Variants in GARS1 observed in about 807,000 individuals in gnomAD.
GARS1 encodes glycine--tRNA ligase.
In GARS1, 46 loss-of-function variants were observed where a neutral mutation model predicts 86.4. The observed-to-expected ratio is 0.53, with a 90% CI of 0.42 to 0.68. GARS1 has a LOEUF of 0.68. GARS1 is among the 30% of genes least tolerant of loss of function. The pLI is 0.00. For synonymous variants in GARS1, 342 were observed against 329.8 expected (o/e 1.04, Z -0.40); for missense variants, 797 against 915.6 (o/e 0.87, Z 1.67).
intron 13 of GARS1, 179 bp from the exon 14 acceptor site, chr7:30,628,381 C>T (rs1251557485): frequency 8.2e-6 from 4 of 489,602 alleles, no homozygotes; most frequent in Non-Finnish European, 1.6e-5. Flanking sequence ...GACGGGGTTT[C>T]ACCATGTTGG....
chr7:30,633,765 C>T lies in GARS1; in HGVS notation c.2125C>T (p.Leu709=). ...TGAGCTGCCCAGCATAGTCCAAGACCTAGCCAATGGCAACATCACATGGGC... is the reference window on the plus strand; with the variant it reads ...TGAGCTGCCCAGCATAGTCCAAGACTTAGCCAATGGCAACATCACATGGGC... The part of the protein sequence containing the change: ...ISELPSIVQD[L]ANGNITWADV... The change falls in exon 17 of 17, where the codon CTA becomes TTA. Residue 709 remains leucine (L), a synonymous_variant. Coordinates refer to ENST00000389266, the MANE Select transcript of GARS1 (RefSeq NM_002047.4). 1.2e-6 allele frequency: 2 copies of T among 1,614,036 alleles called. No individual in the cohort carries two copies. Among genetic ancestry groups the T allele is most frequent in the Non-Finnish European group, 1.7e-6 (2 of 1,179,972 alleles).
In GARS1 at chr7:30,603,047, G is replaced by C. The variant is rs1562772773; in HGVS notation, c.583G>C (p.Val195Leu). The change falls in exon 5 of 17, where the codon GTA (valine) becomes CTA (leucine). Residue 195 changes from valine to leucine, a missense_variant. Val to Leu is a conservative substitution (Grantham distance 32). Transcript: ENST00000389266. ...TTGTTAATTTAGGACCTCTGGCCATGTAGACAAATTTGCTGACTTCATGGT... is the reference window on the plus strand; with the variant it reads ...TTGTTAATTTAGGACCTCTGGCCATCTAGACAAATTTGCTGACTTCATGGT... ...PEPVLKTSGHVDKFADFMVKD... is the reference protein window; with the variant it reads ...PEPVLKTSGHLDKFADFMVKD... 2 of 1,613,638 alleles carry C rather than the reference G, an allele frequency of 1.2e-6. No individual in the cohort carries two copies. Among genetic ancestry groups the C allele is most frequent in the South Asian group, 2.2e-5 (2 of 91,076 alleles).
rs1350141957 is a variant in GARS1 at position 30,615,966 on chromosome 7, G to A, written c.1102G>A (p.Val368Met). ...SEKDHPKFQN[V>M]ADLHLYLYSA... ...GAAAGACCACCCCAAGTTCCAGAAT[G>A]TGGCAGACCTTCACCTTTATTTGTA... Residue 368 changes from valine to methionine, a missense_variant, in exon 9 of 17, where the codon GTG (valine) becomes ATG (methionine). Physicochemically the swap from Val to Met is conservative, Grantham distance 21. This residue lies in a region of GARS1 where 598 missense variants were observed against 738.7 expected (regional missense o/e 0.81). Coordinates refer to ENST00000389266, the MANE Select transcript of GARS1 (RefSeq NM_002047.4). The A allele has an allele frequency of 6.2e-7, 1 of 1,614,208 alleles. No individual in the cohort carries two copies. Among genetic ancestry groups the A allele is most frequent in the South Asian group, 1.1e-5 (1 of 91,084 alleles).
Position 30,632,650 on chromosome 7 carries a change from T to C in GARS1, c.2094+213T>C, listed in dbSNP as rs550192127. Among the ~76,000 whole-genome samples, 69 of 152,354 alleles carry C rather than the reference T, an allele frequency of 4.5e-4. No individual in the cohort carries two copies. The highest frequency in any genetic ancestry group is 1.5e-3 in the African/African-American group (61 of 41,580). ...CACTTCTCTAATATTTTATAAACAT[T>C]TGTGTTGCTCCAGGCTTATTCTCCA... On this transcript the variant is annotated intron_variant, in intron 16 of 16. Transcript: ENST00000389266. This position sits in a 1 kb window ranked among gnomAD's most constrained non-coding sequence, Gnocchi z 4.1.
rs1562785012 is a variant in GARS1 at position 30,633,998 on chromosome 7, A to G, written c.*138A>G. 2 of 1,034,018 alleles carry G rather than the reference A, an allele frequency of 1.9e-6. No homozygotes were observed. Among genetic ancestry groups the G allele is most frequent in the Non-Finnish European group, 2.8e-6 (2 of 712,878 alleles). The allele number at this position is 1,034,018 out of a possible 1,614,324, so 64.1% of individuals were successfully genotyped here. On this transcript the variant is annotated 3_prime_UTR_variant, in exon 17 of 17. Coordinates refer to ENST00000389266, the MANE Select transcript of GARS1 (RefSeq NM_002047.4). ...TTATCTTCAGTGGCTGCCTGATTTT[A>G]CCCCCACAATTAAAGTTGAAGGAAT...
intron 10 of GARS1, among the ~76,000 whole-genome samples, chr7:30,620,480 C>T (rs901068840): frequency 5.3e-5 from 8 of 152,164 alleles, no homozygotes; most frequent in African/African-American, 1.9e-4. Flanking sequence ...TCCTCATGAC[C>T]TAATCACCTC....
At chr7:30,612,386 A>G (rs562224225) in intron 8 of GARS1, 141 bp downstream of exon 8, 3 of 873,462 alleles carry the variant, frequency 3.4e-6, no homozygotes, top group Admixed American at 2.1e-5. Flanking sequence ...CATGTTTTAC[A>G]TTTGGAATCT....
At chr7:30,604,971 G>A in intron 6 of GARS1, among the ~76,000 whole-genome samples, 1 of 152,174 alleles carries the variant, frequency 6.6e-6, no homozygotes, top group Non-Finnish European at 1.5e-5. Flanking sequence ...TTGAGCATTG[G>A]CCTTCTCTCT....
Position 30,621,355 on chromosome 7 carries a change from A to G in GARS1, c.1360-38A>G, listed in dbSNP as rs1179344654. 3 of 1,534,870 alleles carry G rather than the reference A, an allele frequency of 2.0e-6. No homozygotes were observed. The African/African-American group carries it at 4.1e-5, about 21-fold the overall frequency. ...GTGAATGAACCCAATATAAGTAATA[A>G]TAAGTAAGTAATGTTTTTATTGATT... is the stretch of plus-strand genomic sequence containing the variant. On this transcript the variant is annotated intron_variant, in intron 10 of 16. Transcript: ENST00000389266.
chr7:30,632,836 T>TA lies in GARS1; in HGVS notation c.2094+400dup, dbSNP rs1783263700. Among the ~76,000 whole-genome samples the TA allele has an allele frequency of 2.6e-5, 4 of 152,254 alleles. No individual in the cohort carries two copies. In the South Asian group the frequency reaches 6.2e-4, roughly 24 times the overall value. On this transcript the variant is annotated intron_variant, in intron 16 of 16. Transcript: ENST00000389266. This position sits in a 1 kb window ranked among gnomAD's most constrained non-coding sequence, Gnocchi z 4.1. Reference sequence around the variant, plus strand: ...GTATGTATAAGCTTTTCCGTGTTCATATATTCAAAACAGTGAATCATGTTT... The same window carrying TA: ...GTATGTATAAGCTTTTCCGTGTTCATAATATTCAAAACAGTGAATCATGTTT...
At chr7:30,625,321 T>G (rs1390442073) in intron 12 of GARS1, among the ~76,000 whole-genome samples, 2 of 152,204 alleles carry the variant, frequency 1.3e-5, no homozygotes, top group African/African-American at 2.4e-5. Context: ...TGACACTGTG[T>G]ATGTAATGGA....
intron 9 of GARS1, 57 bp from the exon 10 acceptor site, chr7:30,617,057 A>C: frequency 1.3e-6 from 2 of 1,566,424 alleles, no homozygotes; most frequent in Non-Finnish European, 1.8e-6. Context: ...TTGGCTTTGA[A>C]GAGTATTAAT....
chr7:30,602,873 T>A (rs978700502), intron 4 of GARS1, among the ~76,000 whole-genome samples, 161 bp from the exon 5 acceptor site: 2 of 152,218 alleles, frequency 1.3e-5, no homozygotes, highest in African/African-American at 4.8e-5. Context: ...GGAAGAATTT[T>A]CTCTGGCATC....
In GARS1 at chr7:30,633,588, T is replaced by C. The variant is rs1277932320; in HGVS notation, c.2095-147T>C. ...GAATTGAGTTGTCTGGGGGAACTGG[T>C]GGGCGTTTTGGGCTAGAAGAGCATG... On this transcript the variant is annotated intron_variant, in intron 16 of 16. Transcript: ENST00000389266. The C allele has an allele frequency of 3.5e-6, 3 of 867,774 alleles. No individual in the cohort carries two copies. The African/African-American group carries it at 4.9e-5, about 14-fold the overall frequency. The allele number at this position is 867,774 out of a possible 1,614,324, so 53.8% of individuals were successfully genotyped here. A position where few individuals can be genotyped will look rare whatever the true frequency, so the allele number is the denominator to read the frequency against.
chr7:30,612,985 G>A (rs1019557728), intron 8 of GARS1, among the ~76,000 whole-genome samples: 1 of 152,000 alleles, frequency 6.6e-6, no homozygotes, highest in African/African-American at 2.4e-5. Flanking sequence ...TATAAAATAC[G>A]AGGTGTAGCT....
At chr7:30,609,548 T>G (rs1477219484) in intron 6 of GARS1, 37 bp from the exon 7 acceptor site, 1 of 1,578,916 alleles carries the variant, frequency 6.3e-7, no homozygotes, top group African/African-American at 1.3e-5. Flanking sequence ...CCTTGTTTTC[T>G]CTGTCTTTTA....
Position 30,595,044 on chromosome 7 carries a change from C to T in GARS1, c.123C>T (p.Cys41=). The T allele has an allele frequency of 6.4e-7, 1 of 1,564,932 alleles. No individual in the cohort carries two copies. The highest frequency in any genetic ancestry group is 1.3e-5 in the African/African-American group (1 of 74,302). The change falls in exon 1 of 17, where the codon TGC becomes TGT. Residue 41 remains cysteine, a synonymous_variant. Transcript: ENST00000389266. ...LLRRSLSAAS[C]PPISLPAAAS... The stretch of plus-strand genomic sequence containing the variant: ...GCCGGTCCCTCAGCGCGGCCTCCTG[C>T]CCCCCGATCTCCTTGCCCGCCGCCG...
Position 30,621,645 on chromosome 7 carries a change from C to T in GARS1, c.1467+145C>T. ...CGCTTGTTTAAACCTATTATTTTAC[C>T]TATCCCTTTGTTCCTTTCCTATTCT... On this transcript the variant is annotated intron_variant, in intron 11 of 16. Coordinates refer to ENST00000389266, the MANE Select transcript of GARS1 (RefSeq NM_002047.4). 7 of 729,290 alleles carry T rather than the reference C, an allele frequency of 9.6e-6. No homozygotes were observed. In the South Asian group the frequency reaches 1.0e-4, roughly 11 times the overall value. 45.2% of individuals were successfully genotyped at this position (729,290 alleles called of 1,614,324 possible).
intron 4 of GARS1, among the ~76,000 whole-genome samples, chr7:30,602,778 A>T (rs552743002): frequency 2.0e-5 from 3 of 152,356 alleles, no homozygotes; most frequent in African/African-American, 7.2e-5. Context: ...CAACTTGTAG[A>T]AAAGAATTGT....
Sources: allele counts gnomAD v4.1 joint callset (sites outside exome capture counted in the v4.1 genomes callset), GRCh38; gene constraint gnomAD v4.1.1; regional missense constraint gnomAD v4.1.1; non-coding constraint Gnocchi (gnomAD v3.1); transcripts MANE v1.5; gene names NCBI Gene and HGNC (gene_info 2026-07-23, HGNC 2026-07-21).